RNF149: variants seen among roughly 807,000 people sequenced by gnomAD.
RNF149 encodes ring finger protein 149, also known as E3 ubiquitin-protein ligase RNF149.
Under a neutral mutation model 39.0 loss-of-function variants are expected in RNF149, and 21 were observed. That is an observed-to-expected ratio of 0.54 (90% CI 0.38 to 0.77). RNF149 has a LOEUF of 0.77. Ranked by LOEUF, RNF149 falls within the 30% of genes least tolerant of loss-of-function variation. The pLI, the probability that RNF149 is intolerant of heterozygous loss-of-function variation, is 0.00. For missense variants in RNF149, 493 were observed against 534.9 expected (o/e 0.92, Z 0.77); for synonymous variants, 209 against 213.6 (o/e 0.98, Z 0.19).
rs539790704 is a variant in RNF149, at chr2:101,281,743, C to T, written c.1159+116G>A. The T allele has an allele frequency of 8.0e-4, 1,032 of 1,283,520 alleles. 2 individuals carry two copies. Among genetic ancestry groups the T allele is most frequent in the Middle Eastern group, 2.2e-3 (8 of 3,672 alleles). The allele number at this position is 1,283,520 out of a possible 1,614,324, so 79.5% of individuals were successfully genotyped here. On this transcript the variant is annotated intron_variant, in intron 6 of 6. Coordinates refer to ENST00000295317, the MANE Select transcript of RNF149 (RefSeq NM_173647.4). ...CTCAAATTTCTGGTTACTTACTCTT[C>T]GATAGCTCAAACTCGAGCAATCCTC...
intron 5 of RNF149, among the ~76,000 whole-genome samples, chr2:101,284,949 C>A (rs544725249): frequency 3.3e-5 from 5 of 152,154 alleles, no homozygotes; most frequent in Non-Finnish European, 7.3e-5. Context: ...GGCTGGAGTG[C>A]AGTGGAACGC....
At chr2:101,304,073 A>C (rs1683563996) in intron 1 of RNF149, among the ~76,000 whole-genome samples, 1 of 152,224 alleles carries the variant, frequency 6.6e-6, no homozygotes, top group Non-Finnish European at 1.5e-5. Context: ...TACCTTGGTC[A>C]AGCTTACTTT....
chr2:101,295,605 G>A (rs1322014070), intron 1 of RNF149, among the ~76,000 whole-genome samples: 1 of 150,430 alleles, frequency 6.6e-6, no homozygotes, highest in Non-Finnish European at 1.5e-5. Flanking sequence ...AGGTTGCAGT[G>A]AGCTGAGATC....
rs1291684314 is a variant in RNF149, at chr2:101,296,156, C to A, written c.461-975G>T. The stretch of plus-strand genomic sequence containing the variant: ...CAAAAAACTATACAGACCAATTCCA[C>A]TTATGAGTACTAATACATAATACCT... On this transcript the variant is annotated intron_variant, in intron 1 of 6. Transcript: ENST00000295317. Among the ~76,000 whole-genome samples the A allele has an allele frequency of 3.9e-5, 6 of 152,194 alleles. No homozygotes were observed. The East Asian group carries it at 1.2e-3, about 29-fold the overall frequency.
chr2:101,306,668 C>T (rs1475553802), intron 1 of RNF149, among the ~76,000 whole-genome samples: 2 of 152,168 alleles, frequency 1.3e-5, no homozygotes, highest in Non-Finnish European at 1.5e-5. Context: ...TCTGTCCCAC[C>T]AACCCATACT....
chr2:101,282,667 C>T (rs1682636029), intron 5 of RNF149, among the ~76,000 whole-genome samples: 1 of 152,090 alleles, frequency 6.6e-6, no homozygotes. Context: ...CAGCTAGAAA[C>T]TTTATTTGAT....
chr2:101,281,127 A>G (rs1271152623), intron 6 of RNF149, among the ~76,000 whole-genome samples: 2 of 152,228 alleles, frequency 1.3e-5, no homozygotes, highest in African/African-American at 4.8e-5. Context: ...CAATTAGACA[A>G]GGCATAAGTA....
chr2:101,290,037 G>C (rs1005603121), intron 3 of RNF149, among the ~76,000 whole-genome samples: 2 of 151,994 alleles, frequency 1.3e-5, no homozygotes, highest in African/African-American at 4.8e-5. Flanking sequence ...AAAATTAGCT[G>C]GGTGTGGTGG....
rs114870479 is a variant in RNF149 at position 101,296,120 on chromosome 2, T to C, written c.461-939A>G. 6.3e-3 allele frequency among the ~76,000 whole-genome samples: 952 copies of C among 152,208 alleles called. 4 individuals are homozygous for C. The highest frequency in any genetic ancestry group is 0.022 in the African/African-American group (910 of 41,526). On this transcript the variant is annotated intron_variant, in intron 1 of 6. Coordinates refer to ENST00000295317, the MANE Select transcript of RNF149 (RefSeq NM_173647.4). ...GCGACAAAGTATGACTGTATCTCAA[T>C]GAAAAACAAACAAAAAACTATACAG...
intron 1 of RNF149, among the ~76,000 whole-genome samples, chr2:101,295,823 T>C (rs577386776): frequency 5.3e-5 from 8 of 150,428 alleles, no homozygotes; most frequent in African/African-American, 2.0e-4. Context: ...ACTTCTAAGA[T>C]AATAAAACCA....
At chr2:101,289,082 T>C (rs1328205404) in intron 3 of RNF149, 27 bp from the exon 4 acceptor site, 15 of 1,350,040 alleles carry the variant, frequency 1.1e-5, no homozygotes, top group Non-Finnish European at 1.5e-5. Flanking sequence ...AAAGTGTTAC[T>C]ACATTCTTGG....
intron 4 of RNF149, 81 bp downstream of exon 4, chr2:101,288,892 T>C (rs999471177): frequency 2.7e-5 from 19 of 709,402 alleles, no homozygotes; most frequent in South Asian, 1.2e-4. Flanking sequence ...TTCATTATCA[T>C]AAAAAACAAA....
chr2:101,276,065 A>C lies in RNF149; in HGVS notation c.*1173T>G. 1.2e-6 allele frequency: 1 copy of C among 860,760 alleles called. No homozygotes were observed. The highest frequency in any genetic ancestry group is 1.8e-5 in the African/African-American group (1 of 54,860). 53.3% of individuals were successfully genotyped at this position (860,760 alleles called of 1,614,324 possible). ...TCTTTATATCCTACATATGGCTATA[A>C]AAATAAATTTATAATTTTAAAAATT... On this transcript the variant is annotated 3_prime_UTR_variant, in exon 7 of 7. Transcript: ENST00000295317.
intron 3 of RNF149, among the ~76,000 whole-genome samples, chr2:101,292,370 A>G (rs1573242038): frequency 6.6e-6 from 1 of 152,318 alleles, no homozygotes; most frequent in Non-Finnish European, 1.5e-5. Context: ...CATATTTTCA[A>G]AAGTGTTCTG....
Position 101,308,231 on chromosome 2 carries a change from A to C in RNF149, c.358T>G (p.Phe120Val). ...VALVARGGCT[F>V]KDKVLVAARR... ...GCCGCCACCAGCACCTTGTCCTTGA[A>C]GGTGCAGCCCCCACGAGCCACCAGG... The change falls in exon 1 of 7, where the codon TTC becomes GTC. Residue 120 changes from phenylalanine to valine, a missense_variant. Physicochemically the swap from Phe to Val is conservative, Grantham distance 50 (BLOSUM62 -1). Coordinates refer to ENST00000295317, the MANE Select transcript of RNF149 (RefSeq NM_173647.4). The C allele has an allele frequency of 1.2e-6, 2 of 1,604,098 alleles. No individual in the cohort carries two copies. The highest frequency in any genetic ancestry group is 1.7e-6 in the Non-Finnish European group (2 of 1,176,664).
At position 101,304,388 on chromosome 2, in the gene RNF149, C is replaced by T. The variant is rs754032693; in HGVS notation, c.460+3741G>A. On this transcript the variant is annotated intron_variant, in intron 1 of 6. Transcript: ENST00000295317. Reference sequence around the variant, plus strand: ...CTCCAGCCTGGGTGACAGAGCAAGACCTTGCCTCAAAAACAAAACAAAACA... The same window carrying T: ...CTCCAGCCTGGGTGACAGAGCAAGATCTTGCCTCAAAAACAAAACAAAACA... Among the ~76,000 whole-genome samples the T allele has an allele frequency of 2.6e-5, 4 of 152,252 alleles. No homozygotes were observed. The South Asian group carries it at 8.3e-4, about 32-fold the overall frequency.
At chr2:101,275,333 G>A (rs893100718), downstream of RNF149, among the ~76,000 whole-genome samples, 5 of 141,810 alleles carry the variant, frequency 3.5e-5, no homozygotes, top group African/African-American at 1.3e-4. Context: ...TAGCCAGGAT[G>A]GTCTCGATCT....
chr2:101,295,216 C>T, intron 1 of RNF149, 35 bp from the exon 2 acceptor site: 1 of 1,571,672 alleles, frequency 6.4e-7, no homozygotes, highest in Middle Eastern at 1.7e-4. Flanking sequence ...ATGTGAAGAA[C>T]ACAAAATAAG....
chr2:101,278,754 T>C (rs1682449246), intron 6 of RNF149, among the ~76,000 whole-genome samples: 1 of 152,222 alleles, frequency 6.6e-6, no homozygotes, highest in South Asian at 2.1e-4. Context: ...TGCTGTACAA[T>C]GGAGCTCTTG....
Sources: gnomAD v4.1 joint callset for allele counts (sites outside exome capture counted in the v4.1 genomes callset) on GRCh38, gnomAD v4.1.1 for gene constraint, MANE v1.5 for transcripts, NCBI Gene and HGNC (gene_info 2026-07-23, HGNC 2026-07-21) for gene names.